The following ACSS3 variants were observed in gnomAD, a reference collection of about 807,000 sequenced individuals.
The protein encoded by ACSS3 is acyl-CoA synthetase short-chain family member 3, mitochondrial.
Under a neutral mutation model 84.2 loss-of-function variants are expected in ACSS3, and 64 were observed. The observed-to-expected ratio is 0.76, with a 90% CI of 0.62 to 0.94. The LOEUF (loss-of-function observed/expected upper bound fraction) is 0.94. Among genes scored for constraint, ACSS3 ranks in the 40% least tolerant of loss-of-function variants. The pLI is 0.00. For missense variants in ACSS3, 815 were observed against 867.6 expected (o/e 0.94, Z 0.76); for synonymous variants, 317 against 310.1 (o/e 1.02, Z -0.23).
intron 8 of ACSS3, among the ~76,000 whole-genome samples, chr12:81,179,277 AAAAAAAAAAAAAGAAAAAG>A: frequency 6.7e-6 from 1 of 149,268 alleles, no homozygotes; most frequent in African/African-American, 2.4e-5. Context: ...TTGCCAAAAA[AAAAAAAAAAAAAGAAAAAG>A]AAAAAAAAAA....
chr12:81,159,721 A>G (rs1011465395), intron 7 of ACSS3, among the ~76,000 whole-genome samples: 2 of 152,222 alleles, frequency 1.3e-5, no homozygotes, highest in East Asian at 3.9e-4. Context: ...AACACAAGCA[A>G]TCTTTTCACA....
rs1459093693 is a variant in ACSS3 at position 81,259,681 on chromosome 12, C to G, written c.*4759C>G. 2.1e-5 allele frequency: 32 copies of G among 1,532,530 alleles called. No individual in the cohort carries two copies. The highest frequency in any genetic ancestry group is 2.7e-5 in the Non-Finnish European group (31 of 1,144,182). 94.9% of individuals were successfully genotyped at this position (1,532,530 alleles called of 1,614,324 possible). On this transcript the variant is annotated 3_prime_UTR_variant, in exon 16 of 16. Transcript: ENST00000548058. ...GCCATCTAAAATATACAATGGATAG[C>G]ATTAGTTCACTGAAAAGTCCCAGAC...
At chr12:81,106,199 C>A (rs574123655) in intron 1 of ACSS3, among the ~76,000 whole-genome samples, 1 of 152,272 alleles carries the variant, frequency 6.6e-6, no homozygotes, top group Admixed American at 6.5e-5. Flanking sequence ...AGCTGCTCCC[C>A]ACTGCTCACA....
chr12:81,167,924 G>A (rs1375354797), intron 7 of ACSS3, among the ~76,000 whole-genome samples: 1 of 152,180 alleles, frequency 6.6e-6, no homozygotes, highest in Non-Finnish European at 1.5e-5. Context: ...CTGAGGAATT[G>A]CAACTATGTG....
chr12:81,246,322 T>A (rs185330194), intron 13 of ACSS3, among the ~76,000 whole-genome samples: 1 of 152,282 alleles, frequency 6.6e-6, no homozygotes, highest in Non-Finnish European at 1.5e-5. Flanking sequence ...TCGTTGTCAC[T>A]TATCTGAAGT....
At chr12:81,102,343 A>G (rs1882583344) in intron 1 of ACSS3, among the ~76,000 whole-genome samples, 1 of 152,112 alleles carries the variant, frequency 6.6e-6, no homozygotes, top group South Asian at 2.1e-4. Flanking sequence ...CTTGTACAGG[A>G]TCCTCTATGG....
intron 1 of ACSS3, among the ~76,000 whole-genome samples, chr12:81,079,032 C>G (rs528179239): frequency 1.3e-4 from 19 of 151,912 alleles, no homozygotes; most frequent in African/African-American, 3.4e-4. Flanking sequence ...GGGCTGGGTC[C>G]GGAAGGGATT....
intron 7 of ACSS3, among the ~76,000 whole-genome samples, chr12:81,170,445 C>T (rs1341533761): frequency 6.6e-6 from 1 of 152,072 alleles, no homozygotes; most frequent in African/African-American, 2.4e-5. Flanking sequence ...TTATAAATCT[C>T]TGAGGTTAAA....
chr12:81,120,899 TG>T (rs1177610236), intron 2 of ACSS3, among the ~76,000 whole-genome samples: 2 of 152,202 alleles, frequency 1.3e-5, no homozygotes, highest in Admixed American at 1.3e-4. Context: ...ATAGGTTTTA[TG>T]GGAAATTTGA....
chr12:81,203,079 C>T (rs1027045398), intron 9 of ACSS3, among the ~76,000 whole-genome samples: 12 of 152,052 alleles, frequency 7.9e-5, no homozygotes, highest in African/African-American at 2.7e-4. Context: ...GGGAAGCCAA[C>T]GAATGATGTC....
At chr12:81,096,056 G>C (rs1276134142) in intron 1 of ACSS3, among the ~76,000 whole-genome samples, 5 of 152,134 alleles carry the variant, frequency 3.3e-5, no homozygotes, top group Non-Finnish European at 2.9e-5. Context: ...CTTCCCAAAG[G>C]CCAAGTATCT....
At chr12:81,093,285 A>G (rs1285483026) in intron 1 of ACSS3, among the ~76,000 whole-genome samples, 3 of 151,932 alleles carry the variant, frequency 2.0e-5, no homozygotes, top group East Asian at 1.9e-4. Flanking sequence ...CCCCATCTCT[A>G]CTGAAAAATA....
chr12:81,243,224 C>G (rs1438566661), intron 13 of ACSS3, among the ~76,000 whole-genome samples: 2 of 152,100 alleles, frequency 1.3e-5, no homozygotes, highest in Non-Finnish European at 2.9e-5. Flanking sequence ...AACAGACAAA[C>G]AGAGAGCCAA....
intron 4 of ACSS3, among the ~76,000 whole-genome samples, chr12:81,141,554 GT>G (rs770348648): frequency 2.6e-5 from 4 of 152,020 alleles, no homozygotes; most frequent in Admixed American, 1.3e-4. Flanking sequence ...ATGTGAAAGT[GT>G]TTTTTTTCCT....
intron 2 of ACSS3, among the ~76,000 whole-genome samples, chr12:81,128,514 A>T (rs1885265440): frequency 6.6e-6 from 1 of 152,164 alleles, no homozygotes; most frequent in Non-Finnish European, 1.5e-5. Context: ...ATTGCCCTTG[A>T]TGTCAGACTG....
At chr12:81,111,069 G>T (rs910116243) in intron 2 of ACSS3, among the ~76,000 whole-genome samples, 1 of 152,124 alleles carries the variant, frequency 6.6e-6, no homozygotes, top group Admixed American at 6.5e-5. Flanking sequence ...AGACCAGTTT[G>T]CTAGGCTGGG....
intron 8 of ACSS3, among the ~76,000 whole-genome samples, chr12:81,175,887 C>T (rs183640933): frequency 7.3e-4 from 111 of 152,066 alleles, no homozygotes; most frequent in Middle Eastern, 3.4e-3. Context: ...AACTACATGC[C>T]CATAAAAAAG....
At chr12:81,105,822 G>A (rs1882944513) in intron 1 of ACSS3, among the ~76,000 whole-genome samples, 1 of 152,188 alleles carries the variant, frequency 6.6e-6, no homozygotes, top group Admixed American at 6.5e-5. Flanking sequence ...TGTAATGAAG[G>A]AAACATCTGA....
At chr12:81,171,712 TG>T (rs1198352770) in intron 7 of ACSS3, among the ~76,000 whole-genome samples, 1 of 152,180 alleles carries the variant, frequency 6.6e-6, no homozygotes, top group Non-Finnish European at 1.5e-5. Context: ...AAAAGTATGA[TG>T]TAGTTTTTTT....
Sources: allele counts gnomAD v4.1 joint callset (sites outside exome capture counted in the v4.1 genomes callset), GRCh38; gene constraint gnomAD v4.1.1; transcripts MANE v1.5; gene names NCBI Gene and HGNC (gene_info 2026-07-23, HGNC 2026-07-21).